HSD11B1: variants seen among roughly 807,000 people sequenced by gnomAD.
HSD11B1 encodes hydroxysteroid 11-beta dehydrogenase 1, also known as 11-beta-hydroxysteroid dehydrogenase 1.
HSD11B1 carries 15 observed loss-of-function variants against 22.1 expected under a neutral mutation model. That is an observed-to-expected ratio of 0.68 (90% CI 0.45 to 1.04). The LOEUF (loss-of-function observed/expected upper bound fraction) is 1.04, where lower values mean the gene tolerates loss of function less well. Ranked by LOEUF, HSD11B1 falls within the 50% of genes least tolerant of loss-of-function variation. The pLI is 0.00. For synonymous variants in HSD11B1, 122 were observed against 125.2 expected (o/e 0.97, Z 0.17); for missense variants, 281 against 357.6 (o/e 0.79, Z 1.73).
chr1:209,708,394 T>C (rs1413137679), intron 4 of HSD11B1, among the ~76,000 whole-genome samples: 1 of 152,228 alleles, frequency 6.6e-6, no homozygotes, highest in Non-Finnish European at 1.5e-5. Flanking sequence ...AGAGTTCTCC[T>C]TTCTGGCCCA....
chr1:209,732,849 G>T (rs781332201), intron 5 of HSD11B1, among the ~76,000 whole-genome samples: 1 of 151,568 alleles, frequency 6.6e-6, no homozygotes, highest in African/African-American at 2.4e-5. Context: ...GCGATGTTTG[G>T]TTTTTTAATA....
chr1:209,704,724 T>C (rs2076845463), upstream of HSD11B1: 4 of 549,194 alleles, frequency 7.3e-6, no homozygotes, highest in South Asian at 4.0e-5. Flanking sequence ...TTGTCCATTA[T>C]GAAATCCACC....
At chr1:209,728,296 A>G (rs1419397590) in intron 4 of HSD11B1, among the ~76,000 whole-genome samples, 1 of 152,170 alleles carries the variant, frequency 6.6e-6, no homozygotes, top group Non-Finnish European at 1.5e-5. Flanking sequence ...GTAACTAGCT[A>G]TTTGTCCCAA....
At chr1:209,729,509 C>T (rs1420900051) in intron 4 of HSD11B1, among the ~76,000 whole-genome samples, 3 of 152,080 alleles carry the variant, frequency 2.0e-5, no homozygotes, top group Admixed American at 2.0e-4. Flanking sequence ...AAATGTTTTG[C>T]CATCCTCAAC....
intron 4 of HSD11B1, among the ~76,000 whole-genome samples, chr1:209,719,847 T>G (rs1014645973): frequency 4.6e-5 from 7 of 152,262 alleles, no homozygotes; most frequent in Admixed American, 3.3e-4. Flanking sequence ...TTGTGAATAG[T>G]GCCACAATAA....
intron 4 of HSD11B1, among the ~76,000 whole-genome samples, chr1:209,710,128 C>T (rs2076885953): frequency 6.6e-6 from 1 of 152,134 alleles, no homozygotes; most frequent in African/African-American, 2.4e-5. Context: ...AATATTAATA[C>T]TTGAATATGA....
At chr1:209,697,720 T>C (rs2076798899) in intron 1 of HSD11B1, among the ~76,000 whole-genome samples, 2 of 152,138 alleles carry the variant, frequency 1.3e-5, no homozygotes. Flanking sequence ...GTAGACCAGA[T>C]GGCTATCAGT....
chr1:209,730,971 G>A (rs1284115583), intron 4 of HSD11B1, among the ~76,000 whole-genome samples: 1 of 152,192 alleles, frequency 6.6e-6, no homozygotes, highest in Non-Finnish European at 1.5e-5. Flanking sequence ...GACAGTAGGC[G>A]AGTTTCTCAA....
chr1:209,701,232 C>T (rs1334960412), upstream of HSD11B1, among the ~76,000 whole-genome samples: 1 of 152,200 alleles, frequency 6.6e-6, no homozygotes, highest in East Asian at 1.9e-4. Context: ...ATTGGACTTA[C>T]AGTTCCACAT....
chr1:209,719,507 G>A (rs2076951883), intron 4 of HSD11B1, among the ~76,000 whole-genome samples: 1 of 152,168 alleles, frequency 6.6e-6, no homozygotes, highest in Non-Finnish European at 1.5e-5. Context: ...ATGGATGGTG[G>A]TGATGGTTGC....
At chr1:209,727,692 C>T (rs893610290) in intron 4 of HSD11B1, among the ~76,000 whole-genome samples, 20 of 152,294 alleles carry the variant, frequency 1.3e-4, no homozygotes, top group Non-Finnish European at 2.1e-4. Context: ...CACTCATTAA[C>T]CTTGAAACTT....
At chr1:209,714,320 A>T (rs2076916883) in intron 4 of HSD11B1, among the ~76,000 whole-genome samples, 1 of 152,248 alleles carries the variant, frequency 6.6e-6, no homozygotes, top group African/African-American at 2.4e-5. Flanking sequence ...ACAAAATAGT[A>T]GTATGTTTTA....
intron 4 of HSD11B1, among the ~76,000 whole-genome samples, chr1:209,711,819 T>C (rs1392494510): frequency 1.3e-5 from 2 of 152,048 alleles, no homozygotes; most frequent in Non-Finnish European, 2.9e-5. Context: ...TATCTAGGAA[T>C]TCAGTTCTGC....
chr1:209,695,431 G>A (rs192299293), intron 1 of HSD11B1, among the ~76,000 whole-genome samples: 1 of 152,270 alleles, frequency 6.6e-6, no homozygotes, highest in Non-Finnish European at 1.5e-5. Context: ...TTAGACGGAT[G>A]GTGAAGCCAT....
chr1:209,702,395 A>T (rs1321928162), upstream of HSD11B1, among the ~76,000 whole-genome samples: 1 of 152,232 alleles, frequency 6.6e-6, no homozygotes, highest in Non-Finnish European at 1.5e-5. Flanking sequence ...CAAAGATGAA[A>T]AAGACATAAT....
chr1:209,722,317 T>A (rs2076971595), intron 4 of HSD11B1, among the ~76,000 whole-genome samples: 1 of 152,240 alleles, frequency 6.6e-6, no homozygotes, highest in Non-Finnish European at 1.5e-5. Flanking sequence ...CACCAAACGC[T>A]CTTTCCTAGT....
At chr1:209,716,325 T>G (rs887311552) in intron 4 of HSD11B1, among the ~76,000 whole-genome samples, 1 of 142,830 alleles carries the variant, frequency 7.0e-6, no homozygotes, top group Admixed American at 6.9e-5. Context: ...CCATTTACAA[T>G]AGCTACAGAA....
chr1:209,709,270 A>G (rs571023127), intron 4 of HSD11B1, among the ~76,000 whole-genome samples: 1 of 152,318 alleles, frequency 6.6e-6, no homozygotes, highest in East Asian at 1.9e-4. Context: ...TGGGAATACT[A>G]TACTTCTAAT....
intron 4 of HSD11B1, 58 bp downstream of exon 4, chr1:209,707,186 A>G (rs1340242154): frequency 2.2e-6 from 3 of 1,376,132 alleles, no homozygotes; most frequent in Non-Finnish European, 3.1e-6. Flanking sequence ...GCCAGGGATG[A>G]TGCCAGGCTC....
Sources: allele counts gnomAD v4.1 joint callset (sites outside exome capture counted in the v4.1 genomes callset), GRCh38; gene constraint gnomAD v4.1.1; transcripts MANE v1.5; gene names NCBI Gene and HGNC (gene_info 2026-07-23, HGNC 2026-07-21).